PRR19: variants seen among roughly 807,000 people sequenced by gnomAD.
The protein encoded by PRR19 is proline rich 19.
PRR19 carries 9 observed loss-of-function variants against 19.2 expected under a neutral mutation model. The ratio of observed to expected loss-of-function variants is 0.47; its 90% CI spans 0.28 to 0.82. The LOEUF (loss-of-function observed/expected upper bound fraction) is 0.82, where lower values mean the gene tolerates loss of function less well. Ranked by LOEUF, PRR19 falls within the 40% of genes least tolerant of loss-of-function variation. The pLI, the probability that PRR19 is intolerant of heterozygous loss-of-function variation, is 0.11. For synonymous variants in PRR19, 190 were observed against 191.0 expected, an observed-to-expected ratio of 0.99 and a Z score of 0.04; for missense variants, 457 against 466.0, an observed-to-expected ratio of 0.98 and a Z score of 0.18.
In PRR19 at chr19:42,302,140, A is replaced by C. The variant is rs558338599; in HGVS notation, c.-370A>C. 5.8e-4 allele frequency: 873 copies of C among 1,493,608 alleles called. 1 individual carries two copies. The highest frequency in any genetic ancestry group is 7.5e-4 in the Non-Finnish European group (824 of 1,096,194). 92.5% of individuals were successfully genotyped at this position (1,493,608 alleles called of 1,614,324 possible). On this transcript the variant is annotated 5_prime_UTR_variant, in exon 1 of 3. Coordinates refer to ENST00000341747, the MANE Select transcript of PRR19 (RefSeq NM_199285.3). Reference sequence around the variant, plus strand: ...CCTCCTCAACTGCCCTCAGTTTCCCAATCAGGTAGTGAGAGTGGCACGAAC... The same window carrying C: ...CCTCCTCAACTGCCCTCAGTTTCCCCATCAGGTAGTGAGAGTGGCACGAAC...
intron 1 of PRR19, among the ~76,000 whole-genome samples, chr19:42,307,843 C>T (rs765299037): frequency 8.7e-5 from 13 of 150,116 alleles, no homozygotes; most frequent in African/African-American, 2.9e-4. Flanking sequence ...CTGCAAGCTC[C>T]GCCTCCTGGG....
Position 42,310,697 on chromosome 19 carries a change from G to A in PRR19, c.1028G>A (p.Ser343Asn). Residue 343 changes from serine to asparagine, a missense_variant, in exon 3 of 3, where the codon AGC (serine) becomes AAC (asparagine). Ser to Asn is a conservative substitution (Grantham distance 46). Coordinates refer to ENST00000341747, the MANE Select transcript of PRR19 (RefSeq NM_199285.3). ...AGCCTCTCCTGGGTAGTAGCCCAGA[G>A]CAGTCCGGAAGCCTGGTCTTTTCCA... The part of the protein sequence containing the change: ...LPSLSWVVAQ[S>N]SPEAWSFPPM... 6.3e-7 allele frequency: 1 copy of A among 1,590,084 alleles called. No individual in the cohort carries two copies. The highest frequency in any genetic ancestry group is 8.6e-7 in the Non-Finnish European group (1 of 1,167,502).
intron 1 of PRR19, among the ~76,000 whole-genome samples, chr19:42,308,484 C>T (rs2038741676): frequency 2.0e-5 from 3 of 151,430 alleles, no homozygotes; most frequent in Admixed American, 6.6e-5. Flanking sequence ...CTGCAACCTC[C>T]GTCTCCTGGG....
At chr19:42,308,390 CTTTTTTTTTTTTT>C (rs774768445) in intron 1 of PRR19, among the ~76,000 whole-genome samples, 1 of 119,316 alleles carries the variant, frequency 8.4e-6, no homozygotes, top group Non-Finnish European at 1.7e-5. Context: ...CCGAATCCAG[CTTTTTTTTTTTTT>C]TTTTTTTTTT....
intron 1 of PRR19, among the ~76,000 whole-genome samples, chr19:42,308,362 G>A (rs2147399068): frequency 2.7e-5 from 4 of 150,166 alleles, no homozygotes; most frequent in Admixed American, 2.0e-4. Context: ...TAGCAGCTGG[G>A]ACTACAGGTG....
chr19:42,310,621 C>G lies in PRR19; in HGVS notation c.952C>G (p.Pro318Ala), dbSNP rs980645298. The change falls in exon 3 of 3, where the codon CCC becomes GCC. Residue 318 changes from proline to alanine, a missense_variant. Transcript: ENST00000341747. Reference protein sequence around the residue: ...PLPQPSSPLLPRTSVLDWSPS... With the variant: ...PLPQPSSPLLARTSVLDWSPS... The stretch of plus-strand genomic sequence containing the variant: ...GCCTCAGCCTTCATCACCCCTGTTG[C>G]CCCGAACCTCTGTCCTGGACTGGAG... 1 of 1,613,962 alleles carries G rather than the reference C, an allele frequency of 6.2e-7. No individual in the cohort carries two copies. The highest frequency in any genetic ancestry group is 8.5e-7 in the Non-Finnish European group (1 of 1,179,946).
In PRR19 at chr19:42,302,432, C is replaced by T. The variant is rs2038650569; in HGVS notation, c.-78C>T. On this transcript the variant is annotated 5_prime_UTR_variant, in exon 1 of 3. Transcript: ENST00000341747. ...CAACAAAGGACCGTCCCAACGCTAG[C>T]ACACCCGCGGAGGACGAAGGCCGAT... 2.3e-6 allele frequency: 2 copies of T among 855,684 alleles called. No homozygotes were observed. The highest frequency in any genetic ancestry group is 5.4e-5 in the East Asian group (2 of 37,142). The allele number at this position is 855,684 out of a possible 1,614,324, so 53.0% of individuals were successfully genotyped here.
intron 1 of PRR19, among the ~76,000 whole-genome samples, chr19:42,307,593 C>T (rs2038725018): frequency 6.6e-6 from 1 of 151,254 alleles, no homozygotes; most frequent in Non-Finnish European, 1.5e-5. Context: ...TTCACCACCA[C>T]GCCGGCTAAT....
At chr19:42,304,739 G>T in intron 1 of PRR19, among the ~76,000 whole-genome samples, 1 of 127,886 alleles carries the variant, frequency 7.8e-6, no homozygotes, top group East Asian at 2.5e-4. Context: ...GACAGAGCGA[G>T]ACGCCGTCTC....
At chr19:42,302,613 G>A (rs759788049) in intron 1 of PRR19, 110 bp downstream of exon 1, 16 of 382,158 alleles carry the variant, frequency 4.2e-5, no homozygotes, top group South Asian at 1.1e-4. Flanking sequence ...GGCACGGGGT[G>A]GGGGGAGGGA....
rs267605513 is a variant in PRR19 at position 42,310,275 on chromosome 19, C to A, written c.606C>A (p.Ala202=). The part of the protein sequence containing the change: ...LRGCQPPLPG[A]KPGVSERKMT... ...TGCTTCTTTCCTCTGTGCCAGGGGC[C>A]AAGCCTGGGGTCTCTGAGAGAAAGA... The change falls in exon 3 of 3, where the codon GCC becomes GCA. Residue 202 remains alanine (A), a synonymous_variant. Coordinates refer to ENST00000341747, the MANE Select transcript of PRR19 (RefSeq NM_199285.3). The A allele has an allele frequency of 3.1e-6, 5 of 1,614,120 alleles. No individual in the cohort carries two copies. Among genetic ancestry groups the A allele is most frequent in the Non-Finnish European group, 4.2e-6 (5 of 1,180,004 alleles).
At chr19:42,307,000 A>G (rs1284887724) in intron 1 of PRR19, 1 of 152,266 alleles carries the variant, frequency 6.6e-6, no homozygotes, top group Non-Finnish European at 1.5e-5. Flanking sequence ...AGCTGGGGTC[A>G]CCGCGGAAAA....
In PRR19 at chr19:42,310,677, C is replaced by G; in HGVS notation, c.1008C>G (p.Leu336=). Residue 336 remains leucine, a synonymous_variant, in exon 3 of 3, where the codon CTC becomes CTG. Coordinates refer to ENST00000341747, the MANE Select transcript of PRR19 (RefSeq NM_199285.3). ...GCCCCCCTTCCCCACTGCCCAGCCT[C>G]TCCTGGGTAGTAGCCCAGAGCAGTC... is the stretch of plus-strand genomic sequence containing the variant. ...SPSPPSPLPS[L]SWVVAQSSPE... is the part of the protein sequence containing the mutation. The G allele has an allele frequency of 1.2e-6, 2 of 1,606,644 alleles. No individual in the cohort carries two copies. The highest frequency in any genetic ancestry group is 2.2e-5 in the East Asian group (1 of 44,870).
chr19:42,304,235 C>A (rs924437847), intron 1 of PRR19, among the ~76,000 whole-genome samples: 2 of 150,594 alleles, frequency 1.3e-5, no homozygotes, highest in Admixed American at 6.6e-5. Context: ...GAGCTGAGAT[C>A]GCGCCACTGC....
intron 1 of PRR19, among the ~76,000 whole-genome samples, chr19:42,304,481 G>A (rs1046038858): frequency 1.3e-5 from 2 of 151,020 alleles, no homozygotes; most frequent in East Asian, 1.9e-4. Context: ...GGCTGGGCGC[G>A]GTGGCTCACG....
chr19:42,303,181 G>A (rs928497056), intron 1 of PRR19, among the ~76,000 whole-genome samples: 3 of 151,918 alleles, frequency 2.0e-5, no homozygotes, highest in African/African-American at 7.3e-5. Context: ...GTGTGTGCGC[G>A]CGCGTGGCAT....
chr19:42,310,096 G>T lies in PRR19; in HGVS notation c.512G>T (p.Arg171Met). The T allele has an allele frequency of 6.2e-7, 1 of 1,614,102 alleles. No individual in the cohort carries two copies. Among genetic ancestry groups the T allele is most frequent in the South Asian group, 1.1e-5 (1 of 91,090 alleles). The change falls in exon 2 of 3, where the codon AGG becomes ATG. Residue 171 changes from arginine (R) to methionine (M), a missense_variant. By Grantham distance (91) the Arg-to-Met change is moderately conservative. Transcript: ENST00000341747. ...CGGAGGAACCTGATTCAGGATGCCA[G>T]GGATGCCATCGTGCACACCTTGCAG... ...FPRRNLIQDA[R>M]DAIVHTLQAC...
chr19:42,307,824 C>T (rs1161654149), intron 1 of PRR19, among the ~76,000 whole-genome samples: 1 of 132,714 alleles, frequency 7.5e-6, no homozygotes, highest in Non-Finnish European at 1.5e-5. Context: ...GTGGCGCGAT[C>T]TCGGCCCACT....
intron 1 of PRR19, among the ~76,000 whole-genome samples, chr19:42,303,761 G>T (rs1227669949): frequency 6.6e-6 from 1 of 152,184 alleles, no homozygotes; most frequent in East Asian, 1.9e-4. Context: ...TGTTTAGGGA[G>T]ACAGATCCAG....
Sources: allele counts gnomAD v4.1 joint callset (sites outside exome capture counted in the v4.1 genomes callset), GRCh38; gene constraint gnomAD v4.1.1; transcripts MANE v1.5; gene names NCBI Gene and HGNC (gene_info 2026-07-23, HGNC 2026-07-21).